ZNF519: variants seen among roughly 807,000 people sequenced by gnomAD.
ZNF519 encodes the protein zinc finger protein 519, also known as similar to Zinc finger protein 85 (Zinc finger protein HPF4) (HTF1).
A neutral mutation model predicts 7.4 loss-of-function variants in ZNF519; 7 were observed. The ratio of observed to expected loss-of-function variants is 0.94; its 90% CI spans 0.54 to 1.77. The LOEUF (loss-of-function observed/expected upper bound fraction) is 1.77, where lower values mean the gene tolerates loss of function less well. Among genes scored for constraint, ZNF519 ranks in the 40% most tolerant of loss-of-function variants. The probability of loss-of-function intolerance (pLI) is 0.00; values close to 1 mark genes in which losing one functional copy is unlikely to be tolerated. For synonymous variants in ZNF519, 179 were observed against 203.3 expected (o/e 0.88, Z 1.02); for missense variants, 586 against 623.1 (o/e 0.94, Z 0.63).
chr18:14,083,273 C>A (rs2143083492), intron 3 of ZNF519, among the ~76,000 whole-genome samples: 1 of 152,230 alleles, frequency 6.6e-6, no homozygotes, highest in Admixed American at 6.5e-5. Flanking sequence ...TTGCTTGAAC[C>A]TGGGAGGCAG....
intron 2 of ZNF519, 41 bp downstream of exon 2, chr18:14,124,309 C>T: frequency 6.4e-7 from 1 of 1,555,972 alleles, no homozygotes; most frequent in East Asian, 2.3e-5. Flanking sequence ...AAATAAAACT[C>T]TGAGGGAGAA....
At position 14,100,004 on chromosome 18, in the gene ZNF519, C is replaced by T. The variant is rs1273236121; in HGVS notation, c.*4913G>A. ...GCTAGTAACCAGAATATAAACAGAA[C>T]TCTCAAAACTTGCAAGAAAACAAAT... On this transcript the variant is annotated 3_prime_UTR_variant, in exon 3 of 3. Coordinates refer to ENST00000590202, the MANE Select transcript of ZNF519 (RefSeq NM_145287.4). The T allele has an allele frequency of 6.6e-6, 1 of 152,168 alleles. No individual in the cohort carries two copies. Among genetic ancestry groups the T allele is most frequent in the South Asian group, 2.1e-4 (1 of 4,810 alleles). The allele number at this position is 152,168 out of a possible 1,614,324, so 9.4% of individuals were successfully genotyped here. A position where few individuals can be genotyped will look rare whatever the true frequency, so the allele number is the denominator to read the frequency against.
chr18:14,090,662 AG>A (rs1222771427), intron 2 of ZNF519: 1 of 152,284 alleles, frequency 6.6e-6, no homozygotes, highest in Non-Finnish European at 1.5e-5. Flanking sequence ...CTGAGGGTCC[AG>A]GGGAGCCCCT....
chr18:14,105,591 C>A lies in ZNF519; in HGVS notation c.949G>T (p.Glu317Ter), dbSNP rs2046185817. 9.9e-6 allele frequency: 16 copies of A among 1,613,960 alleles called. No homozygotes were observed. Among genetic ancestry groups the A allele is most frequent in the African/African-American group, 1.3e-5 (1 of 74,920 alleles). Residue 317 changes from glutamate (E) to a stop codon, truncating the protein, a stop_gained, in exon 3 of 3, where the codon GAG becomes TAG. Transcript: ENST00000590202. LOFTEE classifies it low-confidence loss of function (END_TRUNC). ...CATTCCTTACACTTGAAAGGCTTCT[C>A]TCCAGTATGGATTCTCTGATGTTGA... is the stretch of plus-strand genomic sequence containing the variant. ...LAQHQRIHTG[E>*]KPFKCKECGK... is the part of the protein sequence containing the mutation.
intron 2 of ZNF519, chr18:14,121,929 T>C (rs1339801902): frequency 1.3e-5 from 2 of 152,210 alleles, no homozygotes; most frequent in African/African-American, 4.8e-5. Context: ...TTAAAAAATC[T>C]AGAAGGTGAG....
downstream of ZNF519, chr18:14,075,404 C>T (rs1053148479): frequency 3.9e-5 from 6 of 152,238 alleles, no homozygotes; most frequent in Admixed American, 2.6e-4. Flanking sequence ...AGCAGGAGTA[C>T]ATGGGGCTGA....
intron 2 of ZNF519, among the ~76,000 whole-genome samples, chr18:14,092,142 A>G (rs1265760829): frequency 6.6e-6 from 1 of 152,154 alleles, no homozygotes; most frequent in Non-Finnish European, 1.5e-5. Context: ...CAGTGGAGGT[A>G]ACGATGGAGA....
chr18:14,087,827 CATT>C (rs1480214788), intron 2 of ZNF519, among the ~76,000 whole-genome samples: 2 of 152,138 alleles, frequency 1.3e-5, no homozygotes, highest in African/African-American at 4.8e-5. Context: ...TCATCACCAT[CATT>C]ATATTTTGTA....
At chr18:14,115,740 ATGT>A (rs895444905) in intron 2 of ZNF519, among the ~76,000 whole-genome samples, 1 of 152,250 alleles carries the variant, frequency 6.6e-6, no homozygotes, top group Non-Finnish European at 1.5e-5. Flanking sequence ...AAAGCAGAAA[ATGT>A]TGTTATATTC....
intron 2 of ZNF519, chr18:14,090,272 G>C (rs3744821): frequency 2.0e-5 from 3 of 152,076 alleles, no homozygotes; most frequent in Non-Finnish European, 2.9e-5. Flanking sequence ...TTCAGAGACG[G>C]AGTCATTTTT....
chr18:14,109,855 A>G (rs1290891177), intron 2 of ZNF519, among the ~76,000 whole-genome samples: 1 of 152,160 alleles, frequency 6.6e-6, no homozygotes, highest in Non-Finnish European at 1.5e-5. Flanking sequence ...TGGATCAAAA[A>G]AGAGCCTACG....
At chr18:14,093,632 T>A (rs1361341274) in intron 2 of ZNF519, among the ~76,000 whole-genome samples, 1 of 152,214 alleles carries the variant, frequency 6.6e-6, no homozygotes, top group African/African-American at 2.4e-5. Flanking sequence ...AACCAGAGTA[T>A]GTTCAGAGTG....
At chr18:14,111,684 A>G (rs2046221846) in intron 2 of ZNF519, among the ~76,000 whole-genome samples, 1 of 152,166 alleles carries the variant, frequency 6.6e-6, no homozygotes, top group African/African-American at 2.4e-5. Context: ...AAAATCTAGA[A>G]CAAATGGATA....
At chr18:14,106,583 T>A in intron 2 of ZNF519, 174 bp from the exon 3 acceptor site, 1 of 464,408 alleles carries the variant, frequency 2.2e-6, no homozygotes, top group Non-Finnish European at 3.7e-6. Context: ...TCATTTCCCC[T>A]GCAAGGTCAC....
At chr18:14,128,017 C>T (rs979255465) in intron 1 of ZNF519, among the ~76,000 whole-genome samples, 1 of 151,970 alleles carries the variant, frequency 6.6e-6, no homozygotes, top group African/African-American at 2.4e-5. Flanking sequence ...CAGCCGGGCG[C>T]GGTGGCTTAC....
intron 2 of ZNF519, among the ~76,000 whole-genome samples, chr18:14,088,201 T>C (rs141687767): frequency 6.6e-6 from 1 of 152,336 alleles, no homozygotes; most frequent in East Asian, 1.9e-4. Context: ...CTCTAGCATG[T>C]TTATAGTATC....
At chr18:14,107,813 G>A (rs985745561) in intron 2 of ZNF519, among the ~76,000 whole-genome samples, 1 of 152,164 alleles carries the variant, frequency 6.6e-6, no homozygotes, top group African/African-American at 2.4e-5. Flanking sequence ...GGCCTGTGGT[G>A]ATGGTAGCAA....
downstream of ZNF519, among the ~76,000 whole-genome samples, chr18:14,095,333 T>C (rs2046131648): frequency 6.6e-6 from 1 of 152,140 alleles, no homozygotes; most frequent in African/African-American, 2.4e-5. Flanking sequence ...TAGCACTGGG[T>C]TGCAGGGCCA....
At chr18:14,076,594 T>C (rs1419876084) in exon 5 of ZNF519, 1 of 152,158 alleles carries the variant, frequency 6.6e-6, no homozygotes. Flanking sequence ...GTCAGAATTG[T>C]TTAACATATT....
Sources: gnomAD v4.1 joint callset for allele counts (sites outside exome capture counted in the v4.1 genomes callset) on GRCh38, gnomAD v4.1.1 for gene constraint, MANE v1.5 for transcripts, NCBI Gene and HGNC (gene_info 2026-07-23, HGNC 2026-07-21) for gene names.